Variants in HTR1F observed in about 807,000 individuals in gnomAD.
The protein encoded by HTR1F is 5-hydroxytryptamine receptor 1F, also known as 5-hydroxytryptamine (serotonin) receptor 1F, G protein-coupled.
Under a neutral mutation model 24.0 loss-of-function variants are expected in HTR1F, and 17 were observed. The ratio of observed to expected loss-of-function variants is 0.71; its 90% CI spans 0.48 to 1.06. The LOEUF (loss-of-function observed/expected upper bound fraction) is 1.06, where lower values mean the gene tolerates loss of function less well. Among genes scored for constraint, HTR1F ranks in the 50% least tolerant of loss-of-function variants. HTR1F has a pLI of 0.00. For synonymous variants in HTR1F, 186 were observed against 156.8 expected, an observed-to-expected ratio of 1.19 and a Z score of -1.39; for missense variants, 391 against 427.8, an observed-to-expected ratio of 0.91 and a Z score of 0.76.
intron 2 of HTR1F, among the ~76,000 whole-genome samples, chr3:87,974,075 C>T (rs1705342133): frequency 2.0e-5 from 3 of 152,180 alleles, no homozygotes; most frequent in Admixed American, 2.0e-4. Context: ...ATGATAATTG[C>T]TTATGCCACT....
chr3:87,827,337 A>C (rs1449236302), intron 2 of HTR1F, among the ~76,000 whole-genome samples: 2 of 151,870 alleles, frequency 1.3e-5, no homozygotes, highest in Non-Finnish European at 2.9e-5. Context: ...TTATACTATA[A>C]TTATTTTCAT....
chr3:87,918,828 T>C (rs1375259868), intron 2 of HTR1F, among the ~76,000 whole-genome samples: 1 of 151,864 alleles, frequency 6.6e-6, no homozygotes, highest in Non-Finnish European at 1.5e-5. Context: ...CAATGCAGTC[T>C]CCATCAGAAT....
chr3:87,962,990 T>C (rs1412072741), intron 2 of HTR1F, among the ~76,000 whole-genome samples: 1 of 152,042 alleles, frequency 6.6e-6, no homozygotes, highest in Non-Finnish European at 1.5e-5. Context: ...AAATTCTTAA[T>C]AGAGCAAATA....
intron 1 of HTR1F, among the ~76,000 whole-genome samples, chr3:87,807,071 A>G (rs996303229): frequency 5.3e-5 from 8 of 151,840 alleles, no homozygotes; most frequent in African/African-American, 1.9e-4. Flanking sequence ...TGGTGTCTCC[A>G]GTTTTGTCCT....
intron 2 of HTR1F, among the ~76,000 whole-genome samples, chr3:87,923,678 C>T (rs1559633371): frequency 6.6e-6 from 1 of 151,744 alleles, no homozygotes; most frequent in Non-Finnish European, 1.5e-5. Context: ...TCTTTCAATA[C>T]CTACTTTGTT....
chr3:87,839,375 G>T (rs1407491333), intron 2 of HTR1F, among the ~76,000 whole-genome samples: 1 of 151,944 alleles, frequency 6.6e-6, no homozygotes, highest in African/African-American at 2.4e-5. Flanking sequence ...AAAATGTATG[G>T]ATTTACACCT....
chr3:87,991,972 A>G lies in HTR1F; in HGVS notation c.*122A>G. ...ATACATGAAAACTGCTAAATTGATA[A>G]GGCTATAATTTATATTTTAATAGCA... On this transcript the variant is annotated 3_prime_UTR_variant, in exon 3 of 3. Transcript: ENST00000319595. The G allele has an allele frequency of 1.3e-6, 1 of 742,182 alleles. No homozygotes were observed. Among genetic ancestry groups the G allele is most frequent in the Non-Finnish European group, 2.1e-6 (1 of 473,024 alleles). The allele number at this position is 742,182 out of a possible 1,614,324, so 46.0% of individuals were successfully genotyped here. A position where few individuals can be genotyped will look rare whatever the true frequency, so the allele number is the denominator to read the frequency against.
At chr3:87,920,353 A>T (rs1370003656) in intron 2 of HTR1F, among the ~76,000 whole-genome samples, 2 of 151,870 alleles carry the variant, frequency 1.3e-5, no homozygotes, top group Admixed American at 1.3e-4. Flanking sequence ...CCACTAAAGA[A>T]CTTACTCATG....
At chr3:87,967,705 C>G (rs1424113861) in intron 2 of HTR1F, among the ~76,000 whole-genome samples, 1 of 152,100 alleles carries the variant, frequency 6.6e-6, no homozygotes, top group Non-Finnish European at 1.5e-5. Flanking sequence ...TGCCTGGCAC[C>G]ATGGAAGACA....
intron 1 of HTR1F, among the ~76,000 whole-genome samples, chr3:87,802,212 CCTCCCTCT>C (rs1282982499): frequency 3.5e-4 from 22 of 63,752 alleles, no homozygotes; most frequent in Admixed American, 1.4e-3. Context: ...TTCTTCCCTC[CCTCCCTCT>C]CTCCCTCCCT....
At chr3:87,928,548 T>G (rs1704184215) in intron 2 of HTR1F, among the ~76,000 whole-genome samples, 1 of 152,210 alleles carries the variant, frequency 6.6e-6, no homozygotes, top group African/African-American at 2.4e-5. Flanking sequence ...ACAGACACAT[T>G]CATTTGCACA....
chr3:87,810,277 C>T (rs530522917), intron 1 of HTR1F, among the ~76,000 whole-genome samples: 1 of 152,168 alleles, frequency 6.6e-6, no homozygotes, highest in South Asian at 2.1e-4. Context: ...GTGGAAGGAA[C>T]AAACAGTCCC....
intron 2 of HTR1F, among the ~76,000 whole-genome samples, chr3:87,919,538 T>C (rs1032480583): frequency 2.7e-5 from 4 of 150,926 alleles, no homozygotes; most frequent in Non-Finnish European, 1.5e-5. Flanking sequence ...AAAAAAAAAT[T>C]CCATCAAAAA....
intron 2 of HTR1F, among the ~76,000 whole-genome samples, chr3:87,875,389 G>T (rs187320470): frequency 0.014 from 2,140 of 151,772 alleles, 48 homozygotes; most frequent in Non-Finnish European, 0.016. Context: ...GATGGAGGTT[G>T]CAGTGAGCCG....
At chr3:87,942,455 G>A (rs1559642591) in intron 2 of HTR1F, among the ~76,000 whole-genome samples, 1 of 152,148 alleles carries the variant, frequency 6.6e-6, no homozygotes, top group Non-Finnish European at 1.5e-5. Flanking sequence ...GGCATCGGCT[G>A]GCGCTTGCCC....
At chr3:87,897,203 T>C (rs765665113) in intron 2 of HTR1F, among the ~76,000 whole-genome samples, 3 of 145,776 alleles carry the variant, frequency 2.1e-5, no homozygotes, top group Non-Finnish European at 3.0e-5. Context: ...AGAAACTGTT[T>C]ATATAATATA....
At chr3:87,904,179 G>A (rs1385188983) in intron 2 of HTR1F, among the ~76,000 whole-genome samples, 1 of 152,072 alleles carries the variant, frequency 6.6e-6, no homozygotes, top group Non-Finnish European at 1.5e-5. Flanking sequence ...AGATATCACT[G>A]CACACCTAAC....
intron 2 of HTR1F, among the ~76,000 whole-genome samples, chr3:87,867,335 T>A (rs1575964762): frequency 6.6e-6 from 1 of 151,840 alleles, no homozygotes; most frequent in East Asian, 1.9e-4. Context: ...ATCGAAATGT[T>A]CTATCTTACC....
Position 87,896,590 on chromosome 3 carries a change from G to T in HTR1F, c.-43+74466G>T, listed in dbSNP as rs576627665. Among the ~76,000 whole-genome samples the T allele has an allele frequency of 5.3e-5, 8 of 152,228 alleles. No homozygotes were observed. The East Asian group carries it at 1.3e-3, about 26-fold the overall frequency. On this transcript the variant is annotated intron_variant, in intron 2 of 2. Transcript: ENST00000319595. ...AAATGAGACAACATCAAACTAAAAT[G>T]CTTCTCCACAGCAAAGGAAACAATC...
Sources: allele counts gnomAD v4.1 joint callset (sites outside exome capture counted in the v4.1 genomes callset), GRCh38; gene constraint gnomAD v4.1.1; transcripts MANE v1.5; gene names NCBI Gene and HGNC (gene_info 2026-07-23, HGNC 2026-07-21).